PARG: variants seen among roughly 807,000 people sequenced by gnomAD.
PARG encodes the protein poly(ADP-ribose) glycohydrolase.
In PARG, 35 loss-of-function variants were observed where a neutral mutation model predicts 113.0. The observed-to-expected ratio is 0.31, with a 90% CI of 0.24 to 0.41. PARG has a LOEUF of 0.41. Among genes scored for constraint, PARG ranks in the 10% least tolerant of loss-of-function variants. The probability of loss-of-function intolerance (pLI) is 1.00; values close to 1 mark genes in which losing one functional copy is unlikely to be tolerated. For synonymous variants in PARG, 330 were observed against 409.9 expected (o/e 0.81, Z 2.36); for missense variants, 797 against 1,169.4 (o/e 0.68, Z 4.64).
chr10:49,921,433 T>A (rs2132891857), intron 6 of PARG, among the ~76,000 whole-genome samples: 1 of 152,082 alleles, frequency 6.6e-6, no homozygotes, highest in Non-Finnish European at 1.5e-5. Context: ...TTTCTTTTTT[T>A]AAAAAAAGAG....
At position 49,865,841 on chromosome 10, in the gene PARG, T is replaced by A. The variant is rs183996123; in HGVS notation, c.2069-460A>T. On this transcript the variant is annotated intron_variant, in intron 10 of 17. Transcript: ENST00000616448. Reference sequence around the variant, plus strand: ...AACCCTACATTCAAAGACTGGAGAATAAATACACATTTATGTACTATATGG... The same window carrying A: ...AACCCTACATTCAAAGACTGGAGAAAAAATACACATTTATGTACTATATGG... Among the ~76,000 whole-genome samples, 195 of 151,232 alleles carry A rather than the reference T, an allele frequency of 1.3e-3. 1 individual carries two copies. Among genetic ancestry groups the A allele is most frequent in the African/African-American group, 4.5e-3 (184 of 41,258 alleles).
intron 7 of PARG, among the ~76,000 whole-genome samples, chr10:49,906,024 G>A (rs1554844865): frequency 6.7e-6 from 1 of 148,404 alleles, no homozygotes; most frequent in Admixed American, 6.8e-5. Flanking sequence ...GAAAAGAGGT[G>A]TCAGAGATGG....
intron 16 of PARG, among the ~76,000 whole-genome samples, chr10:49,825,777 A>C (rs79254555): frequency 0.079 from 11,952 of 152,166 alleles, 701 homozygotes; most frequent in African/African-American, 0.15. Context: ...GTAACTGTGC[A>C]AACCATAAGA....
In PARG at chr10:49,925,518, C is replaced by T. The variant is rs116810052; in HGVS notation, c.1456-2849G>A. On this transcript the variant is annotated intron_variant, in intron 4 of 17. Coordinates refer to ENST00000616448, the MANE Select transcript of PARG (RefSeq NM_003631.5). Reference sequence around the variant, plus strand: ...TTATACCTCTCTAATACATATAAAACCAACCTATAGCCTGACCACCTTGGG... The same window carrying T: ...TTATACCTCTCTAATACATATAAAATCAACCTATAGCCTGACCACCTTGGG... 3.4e-3 allele frequency among the ~76,000 whole-genome samples: 512 copies of T among 152,310 alleles called. 3 individuals carry two copies. Among genetic ancestry groups the T allele is most frequent in the African/African-American group, 0.011 (476 of 41,554 alleles).
intron 16 of PARG, among the ~76,000 whole-genome samples, chr10:49,831,973 G>A (rs1422414576): frequency 2.0e-5 from 3 of 152,098 alleles, no homozygotes; most frequent in African/African-American, 4.8e-5. Context: ...CTTAATAGGC[G>A]AGATCTGCGA....
intron 16 of PARG, among the ~76,000 whole-genome samples, chr10:49,830,367 C>T (rs982710788): frequency 6.6e-6 from 1 of 152,132 alleles, no homozygotes; most frequent in Non-Finnish European, 1.5e-5. Context: ...GAAAATAGCA[C>T]CATGCAGTTT....
intron 9 of PARG, among the ~76,000 whole-genome samples, chr10:49,879,097 G>A (rs1480612625): frequency 1.8e-4 from 27 of 152,066 alleles, no homozygotes; most frequent in African/African-American, 3.9e-4. Context: ...TAATTTAGTC[G>A]AGCAGTTTGA....
At chr10:49,905,586 T>C (rs1848546658) in intron 7 of PARG, among the ~76,000 whole-genome samples, 1 of 152,240 alleles carries the variant, frequency 6.6e-6, no homozygotes, top group African/African-American at 2.4e-5. Flanking sequence ...AAGCTAAGCA[T>C]GTTTCTTTAC....
chr10:49,840,635 TA>T (rs1554832073), intron 15 of PARG, among the ~76,000 whole-genome samples: 1 of 152,200 alleles, frequency 6.6e-6, no homozygotes, highest in Non-Finnish European at 1.5e-5. Flanking sequence ...TTGAGAACTC[TA>T]AACATTAAAA....
intron 16 of PARG, among the ~76,000 whole-genome samples, chr10:49,825,637 G>A (rs1291255701): frequency 6.6e-6 from 1 of 152,196 alleles, no homozygotes; most frequent in Non-Finnish European, 1.5e-5. Flanking sequence ...ACATATATTG[G>A]TTTTTAAGAA....
At chr10:49,819,677 A>T (rs1239939952) in intron 17 of PARG, among the ~76,000 whole-genome samples, 183 bp from the exon 18 acceptor site, 1 of 152,084 alleles carries the variant, frequency 6.6e-6, no homozygotes. Context: ...GATTTTTAAC[A>T]CTCTTTAAAG....
At chr10:49,885,384 T>C (rs1472883074) in intron 7 of PARG, 89 bp from the exon 8 acceptor site, 2 of 825,786 alleles carry the variant, frequency 2.4e-6, no homozygotes, top group African/African-American at 1.7e-5. Context: ...TTAAATTACA[T>C]ATCTGCTTTT....
chr10:49,849,274 A>G (rs1168876722), intron 13 of PARG, among the ~76,000 whole-genome samples: 2 of 152,146 alleles, frequency 1.3e-5, no homozygotes, highest in Admixed American at 6.5e-5. Context: ...TTTGGTAAAC[A>G]TTGAAATACT....
At chr10:49,922,256 T>TTGTTA (rs1837915782) in intron 6 of PARG, 80 bp downstream of exon 6, 5 of 1,434,800 alleles carry the variant, frequency 3.5e-6, no homozygotes, top group Non-Finnish European at 3.8e-6. Flanking sequence ...TGTTGCTACC[T>TTGTTA]GAGTCTATTA....
intron 4 of PARG, among the ~76,000 whole-genome samples, chr10:49,924,643 A>G (rs1838060909): frequency 6.6e-6 from 1 of 150,836 alleles, no homozygotes; most frequent in Non-Finnish European, 1.5e-5. Flanking sequence ...GACATGCTTC[A>G]TTATACCTTC....
intron 4 of PARG, among the ~76,000 whole-genome samples, chr10:49,931,755 T>A (rs1466247153): frequency 7.4e-5 from 11 of 148,502 alleles, no homozygotes; most frequent in Non-Finnish European, 1.3e-4. Context: ...AAACCATACG[T>A]AATTTTGAAA....
chr10:49,899,540 T>A (rs1340228626), intron 7 of PARG, among the ~76,000 whole-genome samples: 1 of 152,228 alleles, frequency 6.6e-6, no homozygotes, highest in Non-Finnish European at 1.5e-5. Context: ...GGTCTCCATT[T>A]TTAATAAACT....
rs558228374 is a variant in PARG, at chr10:49,858,713, TG to T, written c.2206-1261del. Among the ~76,000 whole-genome samples, 36 of 139,830 alleles carry T rather than the reference TG, an allele frequency of 2.6e-4. No individual in the cohort carries two copies. The South Asian group carries it at 4.5e-3, about 17-fold the overall frequency. The allele number at this position is 139,830 out of a possible 152,430, so 91.7% of individuals were successfully genotyped here. A position where few individuals can be genotyped will look rare whatever the true frequency, so the allele number is the denominator to read the frequency against. ...GAATCATATATTTGGATTTGTGTTC[TG>T]GAGTACTAAAACCAATGCTAAAAAA... On this transcript the variant is annotated intron_variant, in intron 12 of 17. Transcript: ENST00000616448.
At position 49,934,017 on chromosome 10, in the gene PARG, T is replaced by C; in HGVS notation, c.431A>G (p.Gln144Arg). The change falls in exon 3 of 18, where the codon CAG (glutamine) becomes CGG (arginine). Residue 144 changes from glutamine (Q) to arginine (R), a missense_variant. By Grantham distance (43) the Gln-to-Arg change is conservative. Around this residue, in one of 5 missense-constraint regions of PARG, gnomAD observed 284 missense variants for 306.1 expected, o/e 0.93. Transcript: ENST00000616448. ...TGCAGTCTGATGCTGGTTCAAATACTGTGTACTTTTTTCAGTGGGTGACTT... is the reference window on the plus strand; with the variant it reads ...TGCAGTCTGATGCTGGTTCAAATACCGTGTACTTTTTTCAGTGGGTGACTT... ...LDKSPTEKST[Q>R]YLNQHQTAAM... The C allele has an allele frequency of 1.2e-6, 2 of 1,610,668 alleles. No individual in the cohort carries two copies. The highest frequency in any genetic ancestry group is 2.2e-5 in the East Asian group (1 of 44,880).
Sources: allele counts gnomAD v4.1 joint callset (sites outside exome capture counted in the v4.1 genomes callset), GRCh38; gene constraint gnomAD v4.1.1; regional missense constraint gnomAD v4.1.1; transcripts MANE v1.5; gene names NCBI Gene and HGNC (gene_info 2026-07-23, HGNC 2026-07-21).